The following RASA1 variants were observed in gnomAD, a reference collection of about 807,000 sequenced individuals.
The protein encoded by RASA1 is ras GTPase-activating protein 1.
Under a neutral mutation model 132.2 loss-of-function variants are expected in RASA1, and 25 were observed. The ratio of observed to expected loss-of-function variants is 0.19; its 90% CI spans 0.14 to 0.26. The LOEUF (loss-of-function observed/expected upper bound fraction) is 0.26, where lower values mean the gene tolerates loss of function less well. Ranked by LOEUF, RASA1 falls within the 10% of genes least tolerant of loss-of-function variation. The probability of loss-of-function intolerance (pLI) is 1.00; values close to 1 mark genes in which losing one functional copy is unlikely to be tolerated. For missense variants in RASA1, 964 were observed against 1,299.2 expected (o/e 0.74, Z 3.97); for synonymous variants, 477 against 449.9 (o/e 1.06, Z -0.76).
At chr5:87,362,823 T>G (rs2112458229) in intron 10 of RASA1, 152 bp downstream of exon 10, 2 of 869,694 alleles carry the variant, frequency 2.3e-6, no homozygotes, top group Middle Eastern at 3.5e-4. Flanking sequence ...TCTTCAAAAT[T>G]TAGAGTGTAG....
At position 87,269,387 on chromosome 5, in the gene RASA1, G is replaced by A. The variant is rs1253782593; in HGVS notation, c.539+397G>A. 13 of 1,379,568 alleles carry A rather than the reference G, an allele frequency of 9.4e-6. No homozygotes were observed. The Admixed American group carries it at 1.0e-4, about 11-fold the overall frequency. The allele number at this position is 1,379,568 out of a possible 1,614,324, so 85.5% of individuals were successfully genotyped here. On this transcript the variant is annotated intron_variant, in intron 1 of 24. Coordinates refer to ENST00000274376, the MANE Select transcript of RASA1 (RefSeq NM_002890.3). ...GATAAAGCTAGATGATTAGTGAGAA[G>A]CTTTGAATACAGGTGTTTAAACGAG...
chr5:87,343,089 T>C (rs1310056027), intron 6 of RASA1, among the ~76,000 whole-genome samples: 2 of 152,192 alleles, frequency 1.3e-5, no homozygotes, highest in Non-Finnish European at 2.9e-5. Context: ...AATTTCCTAA[T>C]ATAGGGACTG....
In RASA1 at chr5:87,385,096, C is replaced by G. The variant is rs534313711; in HGVS notation, c.2759-205C>G. Among the ~76,000 whole-genome samples, 3 of 152,086 alleles carry G rather than the reference C, an allele frequency of 2.0e-5. No individual in the cohort carries two copies. The South Asian group carries it at 6.2e-4, about 31-fold the overall frequency. On this transcript the variant is annotated intron_variant, in intron 21 of 24. Transcript: ENST00000274376. Reference sequence around the variant, plus strand: ...CTAGAAGCACTGATAAGCATATTCACTTTTTCTCTTTTAATTCAAGTTCTT... The same window carrying G: ...CTAGAAGCACTGATAAGCATATTCAGTTTTTCTCTTTTAATTCAAGTTCTT...
intron 1 of RASA1, among the ~76,000 whole-genome samples, chr5:87,280,981 G>T (rs113419051): frequency 0.032 from 4,804 of 148,318 alleles, 159 homozygotes; most frequent in African/African-American, 0.076. Context: ...ATCACCTTTT[G>T]TTTACCCAGT....
intron 1 of RASA1, among the ~76,000 whole-genome samples, chr5:87,314,256 A>T (rs2112313680): frequency 6.6e-6 from 1 of 152,346 alleles, no homozygotes; most frequent in East Asian, 1.9e-4. Flanking sequence ...TCCAGTGGAG[A>T]CTGGCCAAGC....
At chr5:87,337,901 T>C in intron 4 of RASA1, 73 bp from the exon 5 acceptor site, 1 of 1,424,282 alleles carries the variant, frequency 7.0e-7, no homozygotes, top group Non-Finnish European at 9.4e-7. Context: ...TATCCTATTT[T>C]GTGGTATATG....
intron 1 of RASA1, among the ~76,000 whole-genome samples, chr5:87,277,673 A>C (rs995492021): frequency 1.3e-5 from 2 of 152,188 alleles, no homozygotes; most frequent in Non-Finnish European, 1.5e-5. Flanking sequence ...TGACTAATAC[A>C]TGGGTAACTC....
intron 4 of RASA1, among the ~76,000 whole-genome samples, chr5:87,337,475 A>G (rs962546652): frequency 7.2e-5 from 11 of 152,114 alleles, no homozygotes; most frequent in African/African-American, 2.7e-4. Flanking sequence ...TGACATAAGC[A>G]TCTACATCAT....
chr5:87,357,059 C>G (rs577791401), intron 9 of RASA1, among the ~76,000 whole-genome samples: 1 of 152,298 alleles, frequency 6.6e-6, no homozygotes, highest in Admixed American at 6.5e-5. Context: ...TGTATTGTTA[C>G]TAAGGTCTTA....
intron 9 of RASA1, among the ~76,000 whole-genome samples, chr5:87,361,841 A>G (rs779544517): frequency 6.3e-4 from 95 of 151,442 alleles, no homozygotes; most frequent in Non-Finnish European, 1.1e-3. Context: ...GCTTAGTTTT[A>G]TACATTTTTT....
chr5:87,389,656 A>T, intron 24 of RASA1, 129 bp downstream of exon 24: 3 of 1,232,502 alleles, frequency 2.4e-6, no homozygotes, highest in Non-Finnish European at 3.5e-6. Context: ...GCATCATATT[A>T]CAAAAGATCT....
At chr5:87,284,303 A>G (rs890343571) in intron 1 of RASA1, among the ~76,000 whole-genome samples, 1 of 152,180 alleles carries the variant, frequency 6.6e-6, no homozygotes, top group Non-Finnish European at 1.5e-5. Context: ...TTCATACATT[A>G]TGTCACTTAA....
At chr5:87,292,394 A>C (rs1487324380) in intron 1 of RASA1, among the ~76,000 whole-genome samples, 1 of 116,204 alleles carries the variant, frequency 8.6e-6, no homozygotes, top group African/African-American at 3.4e-5. Context: ...TGTCATGTGG[A>C]TGTCTAGTTG....
intron 12 of RASA1, among the ~76,000 whole-genome samples, chr5:87,371,321 T>A (rs968457000): frequency 6.6e-6 from 1 of 152,128 alleles, no homozygotes; most frequent in Non-Finnish European, 1.5e-5. Context: ...TTTAATTTGC[T>A]GTAATATAAA....
At chr5:87,277,331 G>A (rs1322835760) in intron 1 of RASA1, among the ~76,000 whole-genome samples, 1 of 152,154 alleles carries the variant, frequency 6.6e-6, no homozygotes, top group African/African-American at 2.4e-5. Flanking sequence ...ATAGTCATAG[G>A]TTGAAGCCTT....
At chr5:87,375,708 A>G (rs969516885) in intron 15 of RASA1, among the ~76,000 whole-genome samples, 5 of 152,316 alleles carry the variant, frequency 3.3e-5, no homozygotes, top group African/African-American at 1.2e-4. Flanking sequence ...TCCTGCTGCT[A>G]AAACAGTTGA....
At chr5:87,302,760 A>C (rs541500427) in intron 1 of RASA1, among the ~76,000 whole-genome samples, 1 of 151,130 alleles carries the variant, frequency 6.6e-6, no homozygotes, top group Admixed American at 6.6e-5. Flanking sequence ...CCTAATACGC[A>C]CACCACCTCT....
chr5:87,337,875 A>G (rs748095755), intron 4 of RASA1, 99 bp from the exon 5 acceptor site: 34 of 1,250,328 alleles, frequency 2.7e-5, no homozygotes, highest in Non-Finnish European at 3.6e-5. Context: ...TACATTTTTC[A>G]ATATAATACT....
At chr5:87,290,131 C>A (rs1267614705) in intron 1 of RASA1, among the ~76,000 whole-genome samples, 1 of 152,096 alleles carries the variant, frequency 6.6e-6, no homozygotes, top group Non-Finnish European at 1.5e-5. Context: ...GGGTGAAACC[C>A]TTCTGCCTTG....
Sources: allele counts gnomAD v4.1 joint callset (sites outside exome capture counted in the v4.1 genomes callset), GRCh38; gene constraint gnomAD v4.1.1; transcripts MANE v1.5; gene names NCBI Gene and HGNC (gene_info 2026-07-23, HGNC 2026-07-21).